The following CCDC171 variants were observed in gnomAD, a reference collection of about 807,000 sequenced individuals.
The protein encoded by CCDC171 is coiled-coil domain containing 171.
A neutral mutation model predicts 168.2 loss-of-function variants in CCDC171; 177 were observed. The observed-to-expected ratio is 1.05, with a 90% CI of 0.93 to 1.19. The LOEUF is 1.19. CCDC171 is among the 50% of genes most tolerant of loss of function. CCDC171 has a pLI of 0.00. For synonymous variants in CCDC171, 687 were observed against 540.8 expected (o/e 1.27, Z -3.75); for missense variants, 1,991 against 1,539.0 (o/e 1.29, Z -4.91).
intron 10 of CCDC171, among the ~76,000 whole-genome samples, chr9:15,689,924 A>G (rs775529581): frequency 2.6e-5 from 4 of 152,200 alleles, no homozygotes; most frequent in East Asian, 1.9e-4. Flanking sequence ...GATTTTCAAA[A>G]AGGGTGTTAA....
In CCDC171 at chr9:15,600,750, C is replaced by T. The variant is rs560397878; in HGVS notation, c.675+6578C>T. On this transcript the variant is annotated intron_variant, in intron 6 of 25. Coordinates refer to ENST00000380701, the MANE Select transcript of CCDC171 (RefSeq NM_173550.4). ...CCCCCAGAGGTGGAGTCTACAGAGG[C>T]AGGCAGGCCTCCTTGAGCTGCGGTG... Among the ~76,000 whole-genome samples the T allele has an allele frequency of 5.9e-5, 9 of 152,330 alleles. No individual in the cohort carries two copies. The East Asian group carries it at 1.7e-3, about 29-fold the overall frequency.
chr9:15,579,726 C>A (rs951328157), intron 4 of CCDC171, among the ~76,000 whole-genome samples: 3 of 152,192 alleles, frequency 2.0e-5, no homozygotes, highest in Non-Finnish European at 4.4e-5. Context: ...TGAATGGAAT[C>A]ATAAAGTATA....
chr9:15,817,664 C>T lies in CCDC171; in HGVS notation c.3268-29038C>T, dbSNP rs1485135541. Among the ~76,000 whole-genome samples the T allele has an allele frequency of 1.7e-5, 2 of 118,700 alleles. 1 individual carries two copies. The highest frequency in any genetic ancestry group is 6.3e-5 in the African/African-American group (2 of 31,680). 77.9% of individuals were successfully genotyped at this position (118,700 alleles called of 152,430 possible). ...GCTGGGGGAGGGGCGCCTGCCATTG[C>T]TGAGGCTTGAGTAGGTAAGCAAAGC... On this transcript the variant is annotated intron_variant, in intron 21 of 25. Transcript: ENST00000380701.
rs534975886 is a variant in CCDC171, at chr9:15,807,386, T to C, written c.3267+22692T>C. On this transcript the variant is annotated intron_variant, in intron 21 of 25. Coordinates refer to ENST00000380701, the MANE Select transcript of CCDC171 (RefSeq NM_173550.4). ...GCATTGTGTTGCTTCTTTTATAGAG[T>C]ATTGGACTTTATTCAGATAAGCAGT... Among the ~76,000 whole-genome samples, 176 of 152,304 alleles carry C rather than the reference T, an allele frequency of 1.2e-3. 1 individual carries two copies. Among genetic ancestry groups the C allele is most frequent in the Admixed American group, 3.9e-3 (60 of 15,300 alleles).
intron 11 of CCDC171, among the ~76,000 whole-genome samples, chr9:15,720,591 CAAGAA>C (rs905519424): frequency 9.9e-5 from 15 of 151,862 alleles, no homozygotes; most frequent in Non-Finnish European, 1.3e-4. Flanking sequence ...GAAGAAATAA[CAAGAA>C]AAGAAAAATA....
intron 1 of CCDC171, among the ~76,000 whole-genome samples, chr9:16,044,583 A>G (rs976422642): frequency 2.6e-5 from 4 of 151,032 alleles, no homozygotes; most frequent in Admixed American, 2.6e-4. Context: ...AATTCTCTGC[A>G]AGTGATACAT....
intron 7 of CCDC171, among the ~76,000 whole-genome samples, chr9:15,631,779 C>T (rs2045728272): frequency 6.6e-6 from 1 of 152,204 alleles, no homozygotes; most frequent in African/African-American, 2.4e-5. Flanking sequence ...CAGTAAAATA[C>T]TGGCAAACTG....
chr9:15,889,796 T>C (rs188052212), intron 24 of CCDC171, among the ~76,000 whole-genome samples: 19 of 152,318 alleles, frequency 1.2e-4, no homozygotes, highest in Admixed American at 6.5e-4. Context: ...TGCAGATTTT[T>C]TGAAGGATCT....
intron 18 of CCDC171, among the ~76,000 whole-genome samples, chr9:15,751,401 TC>T (rs1461108023): frequency 6.6e-6 from 1 of 152,228 alleles, no homozygotes; most frequent in Non-Finnish European, 1.5e-5. Context: ...CCGCTGACTT[TC>T]TTCACAGAAT....
chr9:15,992,282 A>T lies in CCDC171; in HGVS notation n.369-28307A>T, dbSNP rs144306659. 3.8e-4 allele frequency among the ~76,000 whole-genome samples: 58 copies of T among 152,328 alleles called. No individual in the cohort carries two copies. In the East Asian group the frequency reaches 0.01, roughly 27 times the overall value. ...GATGCAAGGCTTGTAAACATACACA[A>T]ATCAATAAACGTAATCCAGCATATA... On this transcript the variant is annotated intron_variant and non_coding_transcript_variant, in intron 3 of 9. Coordinates refer to the CCDC171 transcript ENST00000486641.
chr9:15,811,613 T>C (rs2059359934), intron 21 of CCDC171, among the ~76,000 whole-genome samples: 1 of 152,164 alleles, frequency 6.6e-6, no homozygotes, highest in Non-Finnish European at 1.5e-5. Context: ...TTTAAGTAAG[T>C]GTGGATTTAA....
rs542794312 is a variant in CCDC171 at position 16,006,337 on chromosome 9, C to T, written n.369-14252C>T. Among the ~76,000 whole-genome samples, 5 of 152,280 alleles carry T rather than the reference C, an allele frequency of 3.3e-5. No individual in the cohort carries two copies. The East Asian group carries it at 9.6e-4, about 29-fold the overall frequency. On this transcript the variant is annotated intron_variant and non_coding_transcript_variant, in intron 3 of 9. Transcript: ENST00000486641. ...TCTTTTGGTTTTGATTTGCATTTCC[C>T]TGATAATTAATGATGTTGAGCATGT...
chr9:15,971,258 G>A (rs1425968907), intron 25 of CCDC171, among the ~76,000 whole-genome samples: 2 of 152,066 alleles, frequency 1.3e-5, no homozygotes, highest in Admixed American at 6.6e-5. Flanking sequence ...TGAAATAAAT[G>A]CTATTAGCAT....
intron 5 of CCDC171, among the ~76,000 whole-genome samples, chr9:15,593,597 C>T (rs949304925): frequency 6.6e-6 from 1 of 151,906 alleles, no homozygotes; most frequent in African/African-American, 2.4e-5. Flanking sequence ...TATAAATTAT[C>T]AGGGATAATC....
upstream of CCDC171, among the ~76,000 whole-genome samples, chr9:16,040,760 G>A (rs929377922): frequency 5.3e-5 from 8 of 152,226 alleles, no homozygotes; most frequent in African/African-American, 1.9e-4. Flanking sequence ...CACAAATGGA[G>A]TAACAGTCTT....
At chr9:15,974,586 A>G (rs2132847890), downstream of CCDC171, among the ~76,000 whole-genome samples, 1 of 152,316 alleles carries the variant, frequency 6.6e-6, no homozygotes, top group South Asian at 2.1e-4. Context: ...TTGTTCTGAT[A>G]CCTGAGTCAC....
intron 3 of CCDC171, among the ~76,000 whole-genome samples, chr9:15,992,924 A>G (rs1462634164): frequency 6.6e-6 from 1 of 152,148 alleles, no homozygotes; most frequent in Non-Finnish European, 1.5e-5. Flanking sequence ...ATTACAAACC[A>G]CTGCTCAACA....
intron 9 of CCDC171, among the ~76,000 whole-genome samples, chr9:15,674,753 A>C (rs2049389410): frequency 6.6e-6 from 1 of 152,078 alleles, no homozygotes; most frequent in African/African-American, 2.4e-5. Flanking sequence ...CATCTTTTAC[A>C]TTTGCTGAGG....
chr9:15,991,241 A>G (rs2132909914), intron 3 of CCDC171, among the ~76,000 whole-genome samples: 1 of 152,342 alleles, frequency 6.6e-6, no homozygotes, highest in East Asian at 1.9e-4. Context: ...CTCAGACCAC[A>G]GTGCGATCAA....
Sources: gnomAD v4.1 joint callset for allele counts (sites outside exome capture counted in the v4.1 genomes callset) on GRCh38, gnomAD v4.1.1 for gene constraint, MANE v1.5 for transcripts, NCBI Gene and HGNC (gene_info 2026-07-23, HGNC 2026-07-21) for gene names.